RDH11: variants seen among roughly 807,000 people sequenced by gnomAD.
The protein encoded by RDH11 is HCV core-binding protein HCBP12.
Under a neutral mutation model 33.4 loss-of-function variants are expected in RDH11, and 19 were observed. The observed-to-expected ratio is 0.57, with a 90% confidence interval of 0.40 to 0.83. The LOEUF (loss-of-function observed/expected upper bound fraction) is 0.83, where lower values mean the gene tolerates loss of function less well. Ranked by LOEUF, RDH11 falls within the 40% of genes least tolerant of loss-of-function variation. RDH11 has a pLI of 0.00. For missense variants in RDH11, 353 were observed against 389.0 expected (o/e 0.91, Z 0.78); for synonymous variants, 154 against 155.3 (o/e 0.99, Z 0.06).
intron 6 of RDH11, among the ~76,000 whole-genome samples, chr14:67,683,497 A>T (rs186880270): frequency 6.6e-4 from 100 of 152,354 alleles, no homozygotes; most frequent in Non-Finnish European, 1.3e-3. Flanking sequence ...TCTTTGGCTG[A>T]ACATTCTACT....
chr14:67,691,437 C>A (rs574380925), intron 3 of RDH11, 193 bp from the exon 4 acceptor site: 62 of 529,092 alleles, frequency 1.2e-4, no homozygotes, highest in African/African-American at 1.1e-3. Flanking sequence ...TACTATGGGG[C>A]AGAATTCCAT....
rs1387421744 is a variant in RDH11, at chr14:67,677,666, A to G, written c.*655T>C. The stretch of plus-strand genomic sequence containing the variant: ...CTTCCCTTTGCAGCATTTCATTTGC[A>G]TAAAGACTGGATGGCACTGGTTTGC... On this transcript the variant is annotated 3_prime_UTR_variant, in exon 7 of 7. Coordinates refer to ENST00000381346, the MANE Select transcript of RDH11 (RefSeq NM_016026.4). 1 of 152,100 alleles carries G rather than the reference A, an allele frequency of 6.6e-6. No homozygotes were observed. Among genetic ancestry groups the G allele is most frequent in the East Asian group, 1.9e-4 (1 of 5,192 alleles). The allele number at this position is 152,100 out of a possible 1,614,324, so 9.4% of individuals were successfully genotyped here.
In RDH11 at chr14:67,677,299, A is replaced by G. The variant is rs972879156; in HGVS notation, c.*1022T>C. On this transcript the variant is annotated 3_prime_UTR_variant, in exon 7 of 7. Coordinates refer to ENST00000381346, the MANE Select transcript of RDH11 (RefSeq NM_016026.4). ...ATTATTAAATTGACCATAATTACCAATATCAGTCCCTAAGATAATTTTTCT... is the reference window on the plus strand; with the variant it reads ...ATTATTAAATTGACCATAATTACCAGTATCAGTCCCTAAGATAATTTTTCT... The G allele has an allele frequency of 1.3e-5, 2 of 150,634 alleles. No individual in the cohort carries two copies. The highest frequency in any genetic ancestry group is 6.6e-5 in the Admixed American group (1 of 15,142). The allele number at this position is 150,634 out of a possible 1,614,324, so 9.3% of individuals were successfully genotyped here.
Position 67,678,288 on chromosome 14 carries a change from C to T in RDH11, c.*33G>A. 1.5e-6 allele frequency: 2 copies of T among 1,294,930 alleles called. No individual in the cohort carries two copies. The highest frequency in any genetic ancestry group is 1.2e-5 in the South Asian group (1 of 84,752). The allele number at this position is 1,294,930 out of a possible 1,614,324, so 80.2% of individuals were successfully genotyped here. Reference sequence around the variant, plus strand: ...ACAAGAAGTACTGTGTAGTCTGCTGCAGTCTTCTCTTGGGTCCAACTGGCA... The same window carrying T: ...ACAAGAAGTACTGTGTAGTCTGCTGTAGTCTTCTCTTGGGTCCAACTGGCA... On this transcript the variant is annotated 3_prime_UTR_variant, in exon 7 of 7. Coordinates refer to ENST00000381346, the MANE Select transcript of RDH11 (RefSeq NM_016026.4).
intron 1 of RDH11, among the ~76,000 whole-genome samples, chr14:67,693,579 T>C (rs1235880512): frequency 6.6e-6 from 1 of 151,128 alleles, no homozygotes; most frequent in African/African-American, 2.4e-5. Flanking sequence ...AGATTATGTA[T>C]GTACAAAGGG....
At chr14:67,687,556 C>G (rs1331777754) in intron 5 of RDH11, among the ~76,000 whole-genome samples, 1 of 147,596 alleles carries the variant, frequency 6.8e-6, no homozygotes, top group African/African-American at 2.5e-5. Flanking sequence ...ACCACAACCT[C>G]TGCCTCCCAG....
At chr14:67,687,876 A>G (rs111857914) in intron 5 of RDH11, among the ~76,000 whole-genome samples, 4,242 of 151,506 alleles carry the variant, frequency 0.028, 215 homozygotes, top group African/African-American at 0.098. Flanking sequence ...GGTTCAGGCG[A>G]TTCTCCTGCC....
chr14:67,678,538 T>G, intron 6 of RDH11, 115 bp from the exon 7 acceptor site: 1 of 648,592 alleles, frequency 1.5e-6, no homozygotes. Flanking sequence ...TCCATGTACT[T>G]CACAGGGCCA....
chr14:67,694,569 C>A (rs959294498), intron 1 of RDH11, among the ~76,000 whole-genome samples: 1 of 144,040 alleles, frequency 6.9e-6, no homozygotes. Context: ...ATTTTCAGTT[C>A]TGGTTCAACT....
At chr14:67,692,395 G>C (rs1341461728) in intron 3 of RDH11, 43 bp downstream of exon 3, 1 of 1,599,962 alleles carries the variant, frequency 6.3e-7, no homozygotes, top group African/African-American at 1.3e-5. Context: ...CTGCCATGTT[G>C]ACCTCAAGAC....
At chr14:67,685,806 G>A (rs1285620237) in intron 5 of RDH11, among the ~76,000 whole-genome samples, 2 of 151,894 alleles carry the variant, frequency 1.3e-5, no homozygotes, top group Non-Finnish European at 2.9e-5. Context: ...AGTGGAGACG[G>A]GATTTCATCA....
intron 5 of RDH11, 30 bp from the exon 6 acceptor site, chr14:67,685,234 A>ATTAC: frequency 1.3e-6 from 2 of 1,584,214 alleles, no homozygotes. Flanking sequence ...AGAGAGGGTA[A>ATTAC]GACAGGACTT....
intron 6 of RDH11, among the ~76,000 whole-genome samples, chr14:67,679,070 T>C (rs1449133541): frequency 6.6e-6 from 1 of 152,172 alleles, no homozygotes; most frequent in African/African-American, 2.4e-5. Flanking sequence ...TTATGGAAGC[T>C]GAGAAGTCCA....
chr14:67,691,146 GGTT>G lies in RDH11; in HGVS notation c.445_447del (p.Asn149del), dbSNP rs1333755228. ...ATAAGGCCAGATTTCTTACCCAAGT[GGTT>G]GACTCCTATGTGCATCTCAAAGCCA... On this transcript the variant is annotated inframe_deletion, in exon 4 of 7. Coordinates refer to ENST00000381346, the MANE Select transcript of RDH11 (RefSeq NM_016026.4). 7 of 1,609,944 alleles carry G rather than the reference GGTT, an allele frequency of 4.3e-6. No homozygotes were observed. Among genetic ancestry groups the G allele is most frequent in the Non-Finnish European group, 6.0e-6 (7 of 1,176,220 alleles).
chr14:67,692,801 A>G, intron 2 of RDH11, 133 bp downstream of exon 2: 1 of 877,158 alleles, frequency 1.1e-6, no homozygotes, highest in Non-Finnish European at 1.8e-6. Context: ...TACTAGTTTC[A>G]GATCAGCAAA....
At chr14:67,689,930 G>A (rs2140076189) in intron 5 of RDH11, 1 of 346,528 alleles carries the variant, frequency 2.9e-6, no homozygotes, top group Non-Finnish European at 5.6e-6. Context: ...GGGTGACAGA[G>A]CAAGATCCCG....
chr14:67,685,716 A>G (rs2037669846), intron 5 of RDH11, among the ~76,000 whole-genome samples: 1 of 151,898 alleles, frequency 6.6e-6, no homozygotes, highest in Admixed American at 6.6e-5. Context: ...TCCAGGTTCA[A>G]GCGATTCTCC....
rs770871889 is a variant in RDH11 at position 67,678,313 on chromosome 14, A to C, written c.*8T>G. 6.3e-6 allele frequency: 10 copies of C among 1,578,834 alleles called. No homozygotes were observed. In the East Asian group the frequency reaches 2.0e-4, roughly 32 times the overall value. On this transcript the variant is annotated 3_prime_UTR_variant, in exon 7 of 7. Coordinates refer to ENST00000381346, the MANE Select transcript of RDH11 (RefSeq NM_016026.4). ...CAGTCTTCTCTTGGGTCCAACTGGCACTGCCTGTTAGTCTATTGGGAGGCC... is the reference window on the plus strand; with the variant it reads ...CAGTCTTCTCTTGGGTCCAACTGGCCCTGCCTGTTAGTCTATTGGGAGGCC...
chr14:67,692,307 G>A, intron 3 of RDH11, 131 bp downstream of exon 3: 1 of 888,694 alleles, frequency 1.1e-6, no homozygotes, highest in South Asian at 1.6e-5. Flanking sequence ...GTGACTATGA[G>A]TTCAGCTACA....
Sources: allele counts gnomAD v4.1 joint callset (sites outside exome capture counted in the v4.1 genomes callset), GRCh38; gene constraint gnomAD v4.1.1; transcripts MANE v1.5; gene names NCBI Gene and HGNC (gene_info 2026-07-23, HGNC 2026-07-21).